PDCD6IP: variants seen among roughly 807,000 people sequenced by gnomAD.
PDCD6IP encodes the protein programmed cell death 6-interacting protein.
PDCD6IP carries 43 observed loss-of-function variants against 103.7 expected under a neutral mutation model. That is an observed-to-expected ratio of 0.41 (90% CI 0.32 to 0.53). The LOEUF is 0.53. Among genes scored for constraint, PDCD6IP ranks in the 20% least tolerant of loss-of-function variants. The pLI is 0.16. For synonymous variants in PDCD6IP, 354 were observed against 378.7 expected, an observed-to-expected ratio of 0.93 and a Z score of 0.76; for missense variants, 871 against 1,036.7, an observed-to-expected ratio of 0.84 and a Z score of 2.20.
Position 33,798,887 on chromosome 3 carries a change from A to G in PDCD6IP, c.159A>G (p.Ala53=). The change falls in exon 1 of 18, where the codon GCA becomes GCG. Residue 53 remains alanine (A), a synonymous_variant. Transcript: ENST00000307296. The part of the protein sequence containing the change: ...AEELSKLRRA[A]VGRPLDKHEG... ...AGCTCAGCAAGCTGCGCCGCGCCGC[A>G]GTCGGTCGTCCGCTGGACAAGCACG... 1 of 1,548,122 alleles carries G rather than the reference A, an allele frequency of 6.5e-7. No homozygotes were observed. Among genetic ancestry groups the G allele is most frequent in the Non-Finnish European group, 8.7e-7 (1 of 1,145,086 alleles).
At chr3:33,864,202 A>G (rs890465462) in intron 16 of PDCD6IP, 73 bp downstream of exon 16, 3 of 917,168 alleles carry the variant, frequency 3.3e-6, no homozygotes, top group African/African-American at 3.3e-5. Context: ...CGGATAAAAC[A>G]TGATTTACAT....
At chr3:33,828,536 T>C (rs1482209670) in intron 6 of PDCD6IP, 3 of 190,016 alleles carry the variant, frequency 1.6e-5, no homozygotes, top group Non-Finnish European at 3.3e-5. Flanking sequence ...TTTCTAATAA[T>C]GCATGCTTTT....
At chr3:33,855,091 T>C in intron 14 of PDCD6IP, 75 bp from the exon 15 acceptor site, 1 of 851,368 alleles carries the variant, frequency 1.2e-6, no homozygotes, top group Admixed American at 1.9e-5. Context: ...ATTGACAAAT[T>C]AGCTTTAGAT....
chr3:33,844,909 A>G (rs1432710516), intron 11 of PDCD6IP, among the ~76,000 whole-genome samples: 2 of 151,972 alleles, frequency 1.3e-5, no homozygotes, highest in African/African-American at 2.4e-5. Flanking sequence ...GGCCAAATTT[A>G]TGCTTCTTAA....
At chr3:33,822,495 G>A (rs1697015484) in intron 4 of PDCD6IP, among the ~76,000 whole-genome samples, 1 of 152,078 alleles carries the variant, frequency 6.6e-6, no homozygotes, top group African/African-American at 2.4e-5. Context: ...CAAAAATAAA[G>A]ACAAGAAATT....
At chr3:33,847,177 T>C (rs1423050987) in intron 12 of PDCD6IP, among the ~76,000 whole-genome samples, 1 of 152,232 alleles carries the variant, frequency 6.6e-6, no homozygotes, top group Non-Finnish European at 1.5e-5. Flanking sequence ...TTTGTATTCT[T>C]TTTGGTGTCT....
chr3:33,835,320 T>G (rs1410517835), intron 7 of PDCD6IP: 2 of 456,672 alleles, frequency 4.4e-6, no homozygotes, highest in Non-Finnish European at 8.8e-6. Context: ...GTGAAAGAGG[T>G]GCATCTCAAT....
chr3:33,829,347 A>G (rs1191417577), intron 7 of PDCD6IP, among the ~76,000 whole-genome samples: 1 of 152,082 alleles, frequency 6.6e-6, no homozygotes, highest in Non-Finnish European at 1.5e-5. Context: ...GGTCATGTTT[A>G]TTTTAGTGTA....
At chr3:33,817,403 T>G (rs1196653610) in intron 3 of PDCD6IP, among the ~76,000 whole-genome samples, 1 of 152,226 alleles carries the variant, frequency 6.6e-6, no homozygotes, top group Non-Finnish European at 1.5e-5. Flanking sequence ...TTTTTGTAGT[T>G]TAGAAAAATT....
chr3:33,806,914 C>A (rs1696611397), intron 1 of PDCD6IP, among the ~76,000 whole-genome samples: 1 of 152,190 alleles, frequency 6.6e-6, no homozygotes, highest in Admixed American at 6.5e-5. Context: ...TTGTTGATCT[C>A]TCTCATTTTG....
chr3:33,846,027 G>A (rs1421534696), intron 12 of PDCD6IP, among the ~76,000 whole-genome samples: 2 of 152,144 alleles, frequency 1.3e-5, no homozygotes, highest in African/African-American at 4.8e-5. Flanking sequence ...GTTAATAAAT[G>A]GATAGCACCA....
At chr3:33,818,097 G>GTTTTTTTTTTTTTTTTTT (rs756780125) in intron 3 of PDCD6IP, among the ~76,000 whole-genome samples, 1 of 68,086 alleles carries the variant, frequency 1.5e-5, no homozygotes, top group Non-Finnish European at 2.5e-5. Context: ...TTTCATTCTT[G>GTTTTTTTTTTTTTTTTTT]TTTTTTTTTT....
chr3:33,863,869 TGTA>T (rs1698005475), intron 15 of PDCD6IP, 134 bp from the exon 16 acceptor site: 2 of 649,578 alleles, frequency 3.1e-6, no homozygotes, highest in South Asian at 2.0e-5. Flanking sequence ...TAATTTGAAA[TGTA>T]GTATATTTTA....
intron 9 of PDCD6IP, among the ~76,000 whole-genome samples, chr3:33,838,594 T>G (rs12374109): frequency 0.22 from 33,282 of 151,834 alleles, 3,968 homozygotes; most frequent in East Asian, 0.39. Context: ...GAAGTAGAAA[T>G]GAACTCAGAT....
At chr3:33,814,898 A>G (rs529441056) in intron 3 of PDCD6IP, among the ~76,000 whole-genome samples, 33 of 146,244 alleles carry the variant, frequency 2.3e-4, no homozygotes, top group Non-Finnish European at 4.5e-4. Context: ...TCATGTACAC[A>G]TATACATATA....
intron 15 of PDCD6IP, 92 bp from the exon 16 acceptor site, chr3:33,863,914 A>G (rs1032763024): frequency 2.2e-5 from 17 of 788,802 alleles, no homozygotes; most frequent in East Asian, 2.0e-4. Context: ...TCCATTTTCT[A>G]TGTTTCATGT....
intron 7 of PDCD6IP, among the ~76,000 whole-genome samples, chr3:33,829,290 T>A (rs958280257): frequency 1.3e-5 from 2 of 152,192 alleles, no homozygotes; most frequent in African/African-American, 4.8e-5. Context: ...AGGTCTCATA[T>A]TTTATCTGAA....
At chr3:33,827,337 A>G (rs1697149710) in intron 6 of PDCD6IP, 1 of 502,626 alleles carries the variant, frequency 2.0e-6, no homozygotes, top group East Asian at 1.5e-4. Flanking sequence ...TATCTGTTAC[A>G]TGATTTTTTT....
chr3:33,837,402 G>T (rs961129081), intron 8 of PDCD6IP, among the ~76,000 whole-genome samples: 1 of 152,150 alleles, frequency 6.6e-6, no homozygotes, highest in Non-Finnish European at 1.5e-5. Flanking sequence ...CATGTGCCAG[G>T]CACTCTTTAA....
Sources: gnomAD v4.1 joint callset for allele counts (sites outside exome capture counted in the v4.1 genomes callset) on GRCh38, gnomAD v4.1.1 for gene constraint, MANE v1.5 for transcripts, NCBI Gene and HGNC (gene_info 2026-07-23, HGNC 2026-07-21) for gene names.